LZTR1: variants seen among roughly 807,000 people sequenced by gnomAD.
LZTR1 encodes the protein leucine-zipper-like transcriptional regulator 1.
LZTR1 carries 260 observed loss-of-function variants against 105.7 expected under a neutral mutation model. The observed-to-expected ratio is 2.46, with a 90% CI of 2.22 to 2.72. LZTR1 has a LOEUF of 2.72. LZTR1 is among the 30% of genes most tolerant of loss of function. The pLI is 0.00. For missense variants in LZTR1, 1,214 were observed against 1,166.9 expected, an observed-to-expected ratio of 1.04 and a Z score of -0.59; for synonymous variants, 490 against 476.4, an observed-to-expected ratio of 1.03 and a Z score of -0.37.
rs1487125681 is a variant in LZTR1 at position 20,996,696 on chromosome 22, C to T, written c.2220C>T (p.Leu740=). The T allele has an allele frequency of 6.2e-7, 1 of 1,613,326 alleles. No individual in the cohort carries two copies. The highest frequency in any genetic ancestry group is 1.1e-5 in the South Asian group (1 of 91,058). The change falls in exon 19 of 21, where the codon CTC becomes CTT. Residue 740 remains leucine, a splice_region_variant and synonymous_variant. Transcript: ENST00000646124. ...GEVNMPPEDS[L]YLFAAPYYYG... ...AGTCAGCTCCTTAACCAGGCCCCAG[C>T]TACTTGTTTGCGGCCCCCTACTACT...
chr22:20,995,550 C>A, intron 16 of LZTR1, 196 bp from the exon 17 acceptor site: 1 of 742,654 alleles, frequency 1.3e-6, no homozygotes, highest in Non-Finnish European at 2.4e-6. Flanking sequence ...GTGCGTGGGG[C>A]ATAGTGCTTG....
At chr22:20,995,303 C>CCT (rs1924790276) in intron 16 of LZTR1, 1 of 662,386 alleles carries the variant, frequency 1.5e-6, no homozygotes, top group East Asian at 3.1e-5. Flanking sequence ...GCTAGGATGT[C>CCT]AGGTCTGATG....
intron 18 of LZTR1, 127 bp downstream of exon 18, chr22:20,996,239 G>T: frequency 2.8e-6 from 3 of 1,055,270 alleles, no homozygotes; most frequent in Non-Finnish European, 4.1e-6. Context: ...CCTCCAGAGG[G>T]TTTGCTGGTG....
rs532761739 is a variant in LZTR1, at chr22:20,984,616, G to T, written c.264-1225G>T. ...GCGGCACGTGGGGCAAGTAAGGAGG[G>T]GGGGGGGGCGGTATCACAATCACCA... On this transcript the variant is annotated intron_variant, in intron 2 of 20. Coordinates refer to ENST00000646124, the MANE Select transcript of LZTR1 (RefSeq NM_006767.4). Among the ~76,000 whole-genome samples the T allele has an allele frequency of 2.9e-4, 10 of 33,998 alleles. 1 individual carries two copies. The South Asian group carries it at 4.8e-3, about 16-fold the overall frequency. The allele number at this position is 33,998 out of a possible 152,430, so 22.3% of individuals were successfully genotyped here.
chr22:20,993,576 G>A (rs572964346), intron 11 of LZTR1, 86 bp from the exon 12 acceptor site: 3 of 1,146,320 alleles, frequency 2.6e-6, no homozygotes, highest in Admixed American at 2.0e-5. Flanking sequence ...CATGGGCCAG[G>A]TGGGGACCTC....
intron 18 of LZTR1, 26 bp from the exon 19 acceptor site, chr22:20,996,670 T>G (rs775006134): frequency 6.2e-7 from 1 of 1,603,564 alleles, no homozygotes; most frequent in South Asian, 1.1e-5. Flanking sequence ...CAGCTTCCTT[T>G]AGTCAGCTCC....
chr22:20,998,372 G>C lies in LZTR1; in HGVS notation c.*1024G>C, dbSNP rs1401280328. Reference sequence around the variant, plus strand: ...CTGCCCTGCCTTGCCCCTGCACTATGCTCTTGGCTCCTGTGGAAGGAGGGC... The same window carrying C: ...CTGCCCTGCCTTGCCCCTGCACTATCCTCTTGGCTCCTGTGGAAGGAGGGC... On this transcript the variant is annotated 3_prime_UTR_variant, in exon 21 of 21. Transcript: ENST00000646124. The C allele has an allele frequency of 6.6e-6, 1 of 152,424 alleles. No homozygotes were observed. Among genetic ancestry groups the C allele is most frequent in the Admixed American group, 6.5e-5 (1 of 15,290 alleles). 9.4% of individuals were successfully genotyped at this position (152,424 alleles called of 1,614,324 possible).
At position 20,989,534 on chromosome 22, in the gene LZTR1, G is replaced by A. The variant is rs942129361; in HGVS notation, c.594-91G>A. 9.1e-5 allele frequency: 94 copies of A among 1,036,448 alleles called. 1 individual carries two copies. The highest frequency in any genetic ancestry group is 4.0e-4 in the Middle Eastern group (2 of 4,994). 64.2% of individuals were successfully genotyped at this position (1,036,448 alleles called of 1,614,324 possible). ...AGTCTCCTACCCTGTGTGGGGGTGGGGCTCCTCCCTGCAGCCATCCCTTCC... is the reference window on the plus strand; with the variant it reads ...AGTCTCCTACCCTGTGTGGGGGTGGAGCTCCTCCCTGCAGCCATCCCTTCC... On this transcript the variant is annotated intron_variant, in intron 6 of 20. Coordinates refer to ENST00000646124, the MANE Select transcript of LZTR1 (RefSeq NM_006767.4).
chr22:20,991,246 T>C (rs1052253244), intron 8 of LZTR1: 6 of 213,052 alleles, frequency 2.8e-5, no homozygotes, highest in Non-Finnish European at 5.6e-5. Context: ...GGATGGGGAC[T>C]CAGCTGTGGG....
intron 8 of LZTR1, chr22:20,990,868 G>A (rs534166341): frequency 8.3e-6 from 2 of 241,970 alleles, no homozygotes; most frequent in Admixed American, 1.0e-4. Flanking sequence ...AGAGGGGCCT[G>A]CAGGTCCTGA....
intron 8 of LZTR1, 153 bp from the exon 9 acceptor site, chr22:20,991,475 C>A: frequency 1.6e-6 from 1 of 634,894 alleles, no homozygotes; most frequent in Non-Finnish European, 2.7e-6. Flanking sequence ...GTGAGAGGTG[C>A]TCAGCGCAGG....
intron 17 of LZTR1, 30 bp from the exon 18 acceptor site, chr22:20,995,929 TGACG>T: frequency 6.2e-7 from 1 of 1,613,346 alleles, no homozygotes; most frequent in South Asian, 1.1e-5. Context: ...TTCGTTCTGC[TGACG>T]GCCAGGTGCC....
chr22:20,988,151 C>A, intron 5 of LZTR1, 33 bp downstream of exon 5: 1 of 1,407,200 alleles, frequency 7.1e-7, no homozygotes, highest in Non-Finnish European at 1.0e-6. Flanking sequence ...TTGGGACAGG[C>A]TGGGTCCTGG....
In LZTR1 at chr22:20,987,492, T is replaced by G; in HGVS notation, c.321-12T>G. 1.9e-6 allele frequency: 3 copies of G among 1,576,686 alleles called. No homozygotes were observed. Among genetic ancestry groups the G allele is most frequent in the South Asian group, 1.1e-5 (1 of 90,492 alleles). On this transcript the variant is annotated splice_polypyrimidine_tract_variant and intron_variant, in intron 3 of 20. Transcript: ENST00000646124. ...CCCCCGCTGACTCTCACCACCCCTG[T>G]GCCCACCCCAGGGCCTTTACCACTG...
intron 16 of LZTR1, 112 bp downstream of exon 16, chr22:20,995,138 G>A: frequency 3.3e-6 from 4 of 1,222,324 alleles, no homozygotes; most frequent in South Asian, 2.8e-5. Context: ...GGGGGTGGGT[G>A]CCATGGGACC....
chr22:20,997,106 C>G (rs114717206), intron 20 of LZTR1, 126 bp from the exon 21 acceptor site: 1 of 1,116,918 alleles, frequency 9.0e-7, no homozygotes, highest in South Asian at 1.3e-5. Context: ...CATCACTGGC[C>G]GCACCTTGCT....
intron 14 of LZTR1, 73 bp from the exon 15 acceptor site, chr22:20,994,485 G>A (rs1483297475): frequency 6.0e-6 from 9 of 1,501,898 alleles, no homozygotes; most frequent in Admixed American, 1.7e-5. Flanking sequence ...ACTCTTCCAT[G>A]GGGGGAGCCC....
In LZTR1 at chr22:20,990,450, A is replaced by C; in HGVS notation, c.716A>C (p.Lys239Thr). ...CNFPVAVCRD[K>T]MFVFSGQSGA... ...TTCCCCGTGGCTGTGTGCCGGGACAAGATGTTTGTATTCTCTGGGCAAAGC... is the reference window on the plus strand; with the variant it reads ...TTCCCCGTGGCTGTGTGCCGGGACACGATGTTTGTATTCTCTGGGCAAAGC... The change falls in exon 8 of 21, where the codon AAG (lysine) becomes ACG (threonine). Residue 239 changes from lysine (K) to threonine (T), a missense_variant. Transcript: ENST00000646124. The C allele has an allele frequency of 6.2e-7, 1 of 1,614,112 alleles. No homozygotes were observed. The highest frequency in any genetic ancestry group is 1.6e-4 in the Middle Eastern group (1 of 6,062).
rs1253218807 is a variant in LZTR1 at position 20,982,432 on chromosome 22, CG to C, written c.63del (p.Ser22ProfsTer3). 1 of 1,580,994 alleles carries C rather than the reference CG, an allele frequency of 6.3e-7. No homozygotes were observed. The highest frequency in any genetic ancestry group is 2.3e-5 in the East Asian group (1 of 43,418). ...IGAAALAGGA[R>X]SKVAPSVDFD... ...GGCTGCGGCCCTGGCAGGCGGCGCG[CG>C]GTCCAAGGTAGCCCCGAGCGTGGAC... On this transcript the variant is annotated frameshift_variant, in exon 1 of 21. Coordinates refer to ENST00000646124, the MANE Select transcript of LZTR1 (RefSeq NM_006767.4). LOFTEE classifies it high-confidence loss of function.
Sources: gnomAD v4.1 joint callset for allele counts (sites outside exome capture counted in the v4.1 genomes callset) on GRCh38, gnomAD v4.1.1 for gene constraint, MANE v1.5 for transcripts, NCBI Gene and HGNC (gene_info 2026-07-23, HGNC 2026-07-21) for gene names.